Variants in CHRM3 observed in about 807,000 individuals in gnomAD.
CHRM3 encodes muscarinic acetylcholine receptor M3.
A neutral mutation model predicts 41.8 loss-of-function variants in CHRM3; 11 were observed. The observed-to-expected ratio is 0.26, with a 90% CI of 0.17 to 0.44. The LOEUF (loss-of-function observed/expected upper bound fraction) is 0.44, where lower values mean the gene tolerates loss of function less well. CHRM3 is among the 20% of genes least tolerant of loss of function. The pLI is 1.00. For missense variants in CHRM3, 571 were observed against 745.4 expected (o/e 0.77, Z 2.72); for synonymous variants, 297 against 301.4 (o/e 0.99, Z 0.15).
At chr1:239,873,716 G>A (rs1394728164) in intron 6 of CHRM3, among the ~76,000 whole-genome samples, 3 of 152,136 alleles carry the variant, frequency 2.0e-5, no homozygotes, top group Non-Finnish European at 2.9e-5. Context: ...CCTGGTTTGC[G>A]TTTCTCTGCC....
intron 5 of CHRM3, among the ~76,000 whole-genome samples, chr1:239,686,692 G>T (rs1361172461): frequency 6.6e-6 from 1 of 152,148 alleles, no homozygotes; most frequent in African/African-American, 2.4e-5. Context: ...AGTGCAAAGT[G>T]GTCACTGAAT....
intron 3 of CHRM3, among the ~76,000 whole-genome samples, chr1:239,582,291 A>C (rs908993017): frequency 3.3e-5 from 5 of 152,334 alleles, no homozygotes; most frequent in Admixed American, 3.3e-4. Context: ...GTCTGCTAAA[A>C]ATAATTATTT....
intron 5 of CHRM3, among the ~76,000 whole-genome samples, chr1:239,802,913 T>TA (rs1357877904): frequency 6.6e-6 from 1 of 152,202 alleles, no homozygotes; most frequent in Non-Finnish European, 1.5e-5. Context: ...TAGTTATTTC[T>TA]AAATCTTAAT....
At position 239,909,075 on chromosome 1, in the gene CHRM3, G is replaced by A. The variant is rs762623405; in HGVS notation, c.1624G>A (p.Val542Met). ...CTACATCAACAGCACCGTGAACCCC[G>A]TGTGCTATGCTCTGTGCAACAAAAC... Reference protein sequence around the residue: ...LCYINSTVNPVCYALCNKTFR... With the variant: ...LCYINSTVNPMCYALCNKTFR... Residue 542 changes from valine to methionine, a missense_variant, in exon 7 of 7, where the codon GTG (valine) becomes ATG (methionine). Around this residue, in one of 5 missense-constraint regions of CHRM3, gnomAD observed 43 missense variants for 93.7 expected, o/e 0.46. Transcript: ENST00000676153. 39 of 1,613,992 alleles carry A rather than the reference G, an allele frequency of 2.4e-5. No homozygotes were observed. The highest frequency in any genetic ancestry group is 3.0e-5 in the Non-Finnish European group (35 of 1,180,038).
chr1:239,602,110 G>A (rs12022713), intron 3 of CHRM3, among the ~76,000 whole-genome samples: 2,963 of 112,636 alleles, frequency 0.026, 120 homozygotes, highest in African/African-American at 0.095. Context: ...GTGTGTGTGT[G>A]TATATATATA....
At chr1:239,426,654 C>T (rs1662416289) in intron 1 of CHRM3, among the ~76,000 whole-genome samples, 1 of 152,068 alleles carries the variant, frequency 6.6e-6, no homozygotes, top group Non-Finnish European at 1.5e-5. Context: ...TCATTTTGGG[C>T]TTCATTCATT....
At chr1:239,472,074 T>A (rs1666167770) in intron 1 of CHRM3, among the ~76,000 whole-genome samples, 1 of 152,204 alleles carries the variant, frequency 6.6e-6, no homozygotes, top group African/African-American at 2.4e-5. Flanking sequence ...GCATTTATTA[T>A]GTGATGTCCA....
At chr1:239,755,446 T>C (rs1340483847) in intron 5 of CHRM3, among the ~76,000 whole-genome samples, 2 of 152,182 alleles carry the variant, frequency 1.3e-5, no homozygotes, top group Non-Finnish European at 2.9e-5. Flanking sequence ...TCAAAGTCCA[T>C]TTATTCCTAA....
At chr1:239,735,669 A>T (rs1664335479) in intron 5 of CHRM3, among the ~76,000 whole-genome samples, 1 of 152,066 alleles carries the variant, frequency 6.6e-6, no homozygotes, top group Non-Finnish European at 1.5e-5. Context: ...GTAGTATGTT[A>T]TTTGATCATT....
At chr1:239,704,038 T>G (rs1175070322) in intron 5 of CHRM3, 1 of 152,034 alleles carries the variant, frequency 6.6e-6, no homozygotes, top group Non-Finnish European at 1.5e-5. Context: ...TCCGTTGGAG[T>G]TTTTATGCAG....
chr1:239,700,890 G>A (rs1424357128), intron 5 of CHRM3, among the ~76,000 whole-genome samples: 3 of 152,028 alleles, frequency 2.0e-5, no homozygotes. Flanking sequence ...GAATGTGCCT[G>A]ATCTCATTTG....
At chr1:239,409,204 T>C (rs541969047) in intron 1 of CHRM3, among the ~76,000 whole-genome samples, 42 of 152,264 alleles carry the variant, frequency 2.8e-4, no homozygotes, top group Non-Finnish European at 5.3e-4. Context: ...TCTTGGAGCT[T>C]GGGGCTTGCT....
intron 4 of CHRM3, among the ~76,000 whole-genome samples, chr1:239,637,386 A>G (rs10925935): frequency 0.047 from 7,099 of 152,166 alleles, 186 homozygotes; most frequent in Middle Eastern, 0.11. Flanking sequence ...GATCATTGTT[A>G]ATAACTTTCT....
At chr1:239,813,928 A>AAAAAAAAAAAAAAAAAAAAAAAAAAAAC (rs1558146322) in intron 5 of CHRM3, among the ~76,000 whole-genome samples, 2 of 147,104 alleles carry the variant, frequency 1.4e-5, no homozygotes, top group African/African-American at 5.4e-5. Flanking sequence ...AAAAAAAAAA[A>AAAAAAAAAAAAAAAAAAAAAAAAAAAAC]AAAAAACTCA....
At chr1:239,871,284 G>A (rs942114149) in intron 6 of CHRM3, among the ~76,000 whole-genome samples, 3 of 152,042 alleles carry the variant, frequency 2.0e-5, no homozygotes, top group Non-Finnish European at 2.9e-5. Context: ...GCTCTGTTGC[G>A]AGGCTGGAAT....
intron 1 of CHRM3, among the ~76,000 whole-genome samples, chr1:239,405,279 A>G (rs1038599167): frequency 6.6e-6 from 1 of 152,150 alleles, no homozygotes; most frequent in African/African-American, 2.4e-5. Context: ...AATCTCTTCT[A>G]TTTCCAACCA....
intron 1 of CHRM3, among the ~76,000 whole-genome samples, chr1:239,421,363 A>G (rs964664130): frequency 6.6e-6 from 1 of 152,206 alleles, no homozygotes; most frequent in African/African-American, 2.4e-5. Flanking sequence ...GAAATGCCAC[A>G]GTGCTTTCAG....
At chr1:239,695,422 A>G (rs1161908928) in intron 5 of CHRM3, among the ~76,000 whole-genome samples, 1 of 152,164 alleles carries the variant, frequency 6.6e-6, no homozygotes, top group Non-Finnish European at 1.5e-5. Context: ...GTTATTTAGG[A>G]AAATTTAGCT....
chr1:239,639,969 A>G (rs1339155665), intron 4 of CHRM3, among the ~76,000 whole-genome samples: 1 of 151,796 alleles, frequency 6.6e-6, no homozygotes, highest in African/African-American at 2.4e-5. Flanking sequence ...ATTTTGTAGC[A>G]TGAAGGGTTG....
Sources: allele counts gnomAD v4.1 joint callset (sites outside exome capture counted in the v4.1 genomes callset), GRCh38; gene constraint gnomAD v4.1.1; regional missense constraint gnomAD v4.1.1; transcripts MANE v1.5; gene names NCBI Gene and HGNC (gene_info 2026-07-23, HGNC 2026-07-21).